PTPRD: variants seen among roughly 807,000 people sequenced by gnomAD.
PTPRD encodes receptor-type tyrosine-protein phosphatase delta.
A neutral mutation model predicts 214.5 loss-of-function variants in PTPRD; 34 were observed. That is an observed-to-expected ratio of 0.16 (90% CI 0.12 to 0.21). The LOEUF (loss-of-function observed/expected upper bound fraction) is 0.21. Ranked by LOEUF, PTPRD falls within the 10% of genes least tolerant of loss-of-function variation. PTPRD has a pLI of 1.00. For synonymous variants in PTPRD, 1,128 were observed against 845.7 expected (o/e 1.33, Z -5.79); for missense variants, 2,545 against 2,398.7 (o/e 1.06, Z -1.27).
chr9:8,645,704 G>A (rs1235569418), intron 12 of PTPRD, among the ~76,000 whole-genome samples: 1 of 149,258 alleles, frequency 6.7e-6, no homozygotes, highest in Non-Finnish European at 1.5e-5. Flanking sequence ...TTAATTTAGT[G>A]AAAAGATTAT....
chr9:9,425,394 A>G (rs903593524), intron 8 of PTPRD, among the ~76,000 whole-genome samples: 39 of 51,278 alleles, frequency 7.6e-4, no homozygotes, highest in Non-Finnish European at 1.1e-3. Context: ...TATACATTAT[A>G]TAATTTATAA....
chr9:9,211,515 G>GTGCA (rs2099948614), intron 9 of PTPRD, among the ~76,000 whole-genome samples: 2 of 143,542 alleles, frequency 1.4e-5, no homozygotes, highest in South Asian at 2.3e-4. Flanking sequence ...GTGTGCGCAC[G>GTGCA]CACACACACA....
intron 34 of PTPRD, among the ~76,000 whole-genome samples, chr9:8,442,446 A>AT (rs2095579402): frequency 6.6e-6 from 1 of 152,084 alleles, no homozygotes; most frequent in Non-Finnish European, 1.5e-5. Context: ...CTTTTACATG[A>AT]TTTTTTTCTG....
At chr9:8,979,778 G>A (rs1226027449) in intron 11 of PTPRD, among the ~76,000 whole-genome samples, 1 of 152,074 alleles carries the variant, frequency 6.6e-6, no homozygotes, top group Non-Finnish European at 1.5e-5. Flanking sequence ...TTAGTACACT[G>A]TTCATGGGAA....
intron 9 of PTPRD, among the ~76,000 whole-genome samples, chr9:9,376,714 T>C (rs765371954): frequency 1.3e-5 from 2 of 152,134 alleles, no homozygotes; most frequent in African/African-American, 4.8e-5. Flanking sequence ...TTAATAGGAC[T>C]GTAAGACTGA....
At chr9:8,821,697 G>A (rs1836230) in intron 11 of PTPRD, among the ~76,000 whole-genome samples, 56,245 of 152,002 alleles carry the variant, frequency 0.37, 11,993 homozygotes, top group Middle Eastern at 0.48. Context: ...ACAGAGTCTC[G>A]CTCTGTTGCC....
At chr9:10,234,417 C>T (rs895287629) in intron 3 of PTPRD, among the ~76,000 whole-genome samples, 1 of 151,716 alleles carries the variant, frequency 6.6e-6, no homozygotes, top group Non-Finnish European at 1.5e-5. Flanking sequence ...ATACATATTT[C>T]CCTAAACTAT....
intron 5 of PTPRD, among the ~76,000 whole-genome samples, chr9:9,876,811 G>A (rs760132875): frequency 6.6e-5 from 10 of 151,898 alleles, no homozygotes; most frequent in South Asian, 2.1e-4. Context: ...AAATAATGAC[G>A]GCATGCCATG....
chr9:10,136,267 CA>C (rs2098942757), intron 3 of PTPRD, among the ~76,000 whole-genome samples: 1 of 152,050 alleles, frequency 6.6e-6, no homozygotes, highest in African/African-American at 2.4e-5. Context: ...AAGATTTAGA[CA>C]GCTGCACAAG....
At chr9:10,505,505 G>C (rs570045610) in intron 2 of PTPRD, among the ~76,000 whole-genome samples, 14 of 152,246 alleles carry the variant, frequency 9.2e-5, no homozygotes, top group African/African-American at 3.1e-4. Flanking sequence ...CCTGTCAACA[G>C]TGGGTAATCA....
At chr9:8,592,713 C>T (rs769178898) in intron 14 of PTPRD, among the ~76,000 whole-genome samples, 3 of 152,154 alleles carry the variant, frequency 2.0e-5, no homozygotes, top group Non-Finnish European at 4.4e-5. Context: ...TGTCTCGAAG[C>T]ACATAAGGGT....
chr9:9,199,359 C>A (rs1460431419), intron 9 of PTPRD, among the ~76,000 whole-genome samples: 2 of 152,174 alleles, frequency 1.3e-5, no homozygotes, highest in Admixed American at 6.5e-5. Context: ...CTGTTAGATG[C>A]CTTAAGTAAA....
chr9:10,105,511 C>A (rs1033800134), intron 3 of PTPRD, among the ~76,000 whole-genome samples: 6 of 151,776 alleles, frequency 4.0e-5, no homozygotes, highest in African/African-American at 1.2e-4. Flanking sequence ...CTACTTTCTA[C>A]GAATTTCTAT....
intron 4 of PTPRD, among the ~76,000 whole-genome samples, chr9:9,965,309 C>T (rs1395241024): frequency 1.3e-5 from 2 of 152,038 alleles, no homozygotes; most frequent in African/African-American, 4.8e-5. Context: ...GGCAAGGCTT[C>T]TAAGAAGAAA....
At chr9:9,857,967 A>C (rs2061886781) in intron 5 of PTPRD, among the ~76,000 whole-genome samples, 1 of 152,242 alleles carries the variant, frequency 6.6e-6, no homozygotes, top group Non-Finnish European at 1.5e-5. Flanking sequence ...TAAGTGAGTG[A>C]AAAGTGAAGA....
At position 10,418,498 on chromosome 9, in the gene PTPRD, C is replaced by CACACACACAT. The variant is rs879881642; in HGVS notation, c.-599-77482_-599-77481insATGTGTGTGT. On this transcript the variant is annotated intron_variant, in intron 2 of 45. Coordinates refer to ENST00000381196, the MANE Select transcript of PTPRD (RefSeq NM_002839.4). Reference sequence around the variant, plus strand: ...ACACACACACACACACACACACACACTTCATATCCTTCCTTCTGCTGTAAT... The same window carrying CACACACACAT: ...ACACACACACACACACACACACACACACACACACATTTCATATCCTTCCTTCTGCTGTAAT... Among the ~76,000 whole-genome samples the CACACACACAT allele has an allele frequency of 1.0e-3, 143 of 141,618 alleles. 3 individuals are homozygous for CACACACACAT. Among genetic ancestry groups the CACACACACAT allele is most frequent in the African/African-American group, 3.5e-3 (135 of 38,056 alleles). 92.9% of individuals were successfully genotyped at this position (141,618 alleles called of 152,430 possible). A position where few individuals can be genotyped will look rare whatever the true frequency, so the allele number is the denominator to read the frequency against.
At chr9:8,679,841 T>C (rs1368196364) in intron 12 of PTPRD, among the ~76,000 whole-genome samples, 1 of 152,334 alleles carries the variant, frequency 6.6e-6, no homozygotes, top group East Asian at 1.9e-4. Flanking sequence ...TGAGCAAATA[T>C]GGCATTTGTG....
chr9:8,569,315 A>C (rs1256047921), intron 14 of PTPRD, among the ~76,000 whole-genome samples: 2 of 152,132 alleles, frequency 1.3e-5, no homozygotes, highest in Non-Finnish European at 2.9e-5. Context: ...ATGTTACCCA[A>C]ATCATATCAG....
chr9:8,470,542 A>G (rs890418431), intron 31 of PTPRD, among the ~76,000 whole-genome samples: 1 of 152,154 alleles, frequency 6.6e-6, no homozygotes, highest in Non-Finnish European at 1.5e-5. Context: ...AATCAACAGA[A>G]TTCTGTGAGA....
Sources: gnomAD v4.1 joint callset for allele counts (sites outside exome capture counted in the v4.1 genomes callset) on GRCh38, gnomAD v4.1.1 for gene constraint, MANE v1.5 for transcripts, NCBI Gene and HGNC (gene_info 2026-07-23, HGNC 2026-07-21) for gene names.